The following CNOT1 variants were observed in gnomAD, a reference collection of about 807,000 sequenced individuals.
CNOT1 encodes the protein CCR4-NOT transcription complex subunit 1, also known as CCR4-associated factor 1.
Under a neutral mutation model 273.8 loss-of-function variants are expected in CNOT1, and 15 were observed. That is an observed-to-expected ratio of 0.05 (90% CI 0.04 to 0.08). The LOEUF is 0.08. CNOT1 is among the 10% of genes least tolerant of loss of function. The pLI is 1.00. For synonymous variants in CNOT1, 1,022 were observed against 1,005.5 expected, an observed-to-expected ratio of 1.02 and a Z score of -0.31; for missense variants, 1,644 against 2,912.2, an observed-to-expected ratio of 0.56 and a Z score of 10.02.
intron 1 of CNOT1, among the ~76,000 whole-genome samples, chr16:58,617,186 T>C (rs1451002466): frequency 6.6e-6 from 1 of 151,824 alleles, no homozygotes; most frequent in Non-Finnish European, 1.5e-5. Flanking sequence ...AGTGAGACCA[T>C]CTCAACAAAT....
At chr16:58,578,230 G>T (rs1001289591) in intron 13 of CNOT1, among the ~76,000 whole-genome samples, 3 of 152,068 alleles carry the variant, frequency 2.0e-5, no homozygotes, top group African/African-American at 7.2e-5. Flanking sequence ...GAGGTGGGTG[G>T]ATCATTTGAG....
chr16:58,549,609 TA>T, intron 25 of CNOT1, 109 bp downstream of exon 25: 1 of 1,424,404 alleles, frequency 7.0e-7, no homozygotes, highest in South Asian at 1.5e-5. Context: ...TTTCCAGAGG[TA>T]CCTAATATTG....
chr16:58,540,154 C>A (rs2040045392), intron 34 of CNOT1, 195 bp from the exon 35 acceptor site: 2 of 502,454 alleles, frequency 4.0e-6, no homozygotes, highest in South Asian at 3.8e-5. Context: ...CAGTACAAGG[C>A]AGGCATAAGG....
intron 1 of CNOT1, among the ~76,000 whole-genome samples, chr16:58,611,559 G>A (rs1487790806): frequency 1.3e-5 from 2 of 152,266 alleles, no homozygotes; most frequent in Middle Eastern, 3.4e-3. Flanking sequence ...AGTGGCTCAC[G>A]CCTGTAATCC....
At chr16:58,628,915 C>G (rs768023803) in intron 1 of CNOT1, among the ~76,000 whole-genome samples, 3 of 152,184 alleles carry the variant, frequency 2.0e-5, no homozygotes, top group Non-Finnish European at 4.4e-5. Flanking sequence ...TGTGTTTGGC[C>G]TTAAGTACCT....
chr16:58,542,215 G>A lies in CNOT1; in HGVS notation c.4680+16C>T. The A allele has an allele frequency of 6.2e-7, 1 of 1,612,164 alleles. No homozygotes were observed. The highest frequency in any genetic ancestry group is 8.5e-7 in the Non-Finnish European group (1 of 1,179,508). Reference sequence around the variant, plus strand: ...AACAAAGATGGGACGGGGAAAGACAGAGCCCCAATTCTCACTTTCAGCCTG... The same window carrying A: ...AACAAAGATGGGACGGGGAAAGACAAAGCCCCAATTCTCACTTTCAGCCTG... On this transcript the variant is annotated intron_variant, in intron 33 of 48. Transcript: ENST00000317147.
rs143604282 is a variant in CNOT1 at position 58,604,228 on chromosome 16, T to C, written c.-174-4717A>G. On this transcript the variant is annotated intron_variant, in intron 1 of 48. Transcript: ENST00000317147. Reference sequence around the variant, plus strand: ...ATACAGAGTTTGGGTCACCATGTCATTATTTATAGGCCATTTTTAAATACT... The same window carrying C: ...ATACAGAGTTTGGGTCACCATGTCACTATTTATAGGCCATTTTTAAATACT... Among the ~76,000 whole-genome samples, 601 of 152,268 alleles carry C rather than the reference T, an allele frequency of 3.9e-3. 6 individuals are homozygous for C. Among genetic ancestry groups the C allele is most frequent in the East Asian group, 0.011 (59 of 5,190 alleles).
chr16:58,596,462 G>A (rs1303624974), intron 2 of CNOT1, among the ~76,000 whole-genome samples: 2 of 152,166 alleles, frequency 1.3e-5, no homozygotes, highest in African/African-American at 4.8e-5. Flanking sequence ...GTGTGGAATT[G>A]ATGTACGATG....
chr16:58,539,648 C>CAGGTGATTTATATTA, intron 35 of CNOT1, 120 bp downstream of exon 35: 1 of 1,045,652 alleles, frequency 9.6e-7, no homozygotes, highest in Non-Finnish European at 1.3e-6. Context: ...CACCTACTTA[C>CAGGTGATTTATATTA]AGAACTTGAT....
intron 1 of CNOT1, among the ~76,000 whole-genome samples, chr16:58,607,125 A>C (rs914817496): frequency 1.3e-5 from 2 of 152,182 alleles, no homozygotes; most frequent in East Asian, 1.9e-4. Context: ...GCATGATCCC[A>C]AATAAGGTCT....
intron 47 of CNOT1, among the ~76,000 whole-genome samples, chr16:58,522,497 A>G: frequency 1.1e-5 from 1 of 87,958 alleles, no homozygotes; most frequent in African/African-American, 6.4e-5. Flanking sequence ...CATATTTAGC[A>G]CCATAGGTGA....
At chr16:58,581,220 C>G (rs923702317) in intron 11 of CNOT1, 125 bp downstream of exon 11, 3 of 1,139,868 alleles carry the variant, frequency 2.6e-6, no homozygotes, top group Non-Finnish European at 3.6e-6. Flanking sequence ...ACAGTCCTTG[C>G]TTTTCTGTGC....
At chr16:58,526,198 T>C in intron 44 of CNOT1, 60 bp from the exon 45 acceptor site, 2 of 1,579,364 alleles carry the variant, frequency 1.3e-6, no homozygotes, top group Non-Finnish European at 1.7e-6. Context: ...AAATTACATC[T>C]ATGCTTAAGT....
chr16:58,607,448 G>A (rs2042718923), intron 1 of CNOT1, among the ~76,000 whole-genome samples: 1 of 151,904 alleles, frequency 6.6e-6, no homozygotes, highest in Non-Finnish European at 1.5e-5. Context: ...GGCTATCTAG[G>A]CTGGGCAAGG....
rs562394553 is a variant in CNOT1, at chr16:58,617,365, A to T, written c.-175+12363T>A. On this transcript the variant is annotated intron_variant, in intron 1 of 48. Coordinates refer to ENST00000317147, the MANE Select transcript of CNOT1 (RefSeq NM_016284.5). ...AACAGAGCAAGAGTGTCTCAAAAAA[A>T]TTTTTTTAATTAAAAAAAAAAATAA... Among the ~76,000 whole-genome samples, 17 of 152,042 alleles carry T rather than the reference A, an allele frequency of 1.1e-4. No individual in the cohort carries two copies. The South Asian group carries it at 1.2e-3, about 11-fold the overall frequency.
intron 16 of CNOT1, among the ~76,000 whole-genome samples, chr16:58,563,206 C>T (rs1446554485): frequency 6.6e-6 from 1 of 152,110 alleles, no homozygotes; most frequent in African/African-American, 2.4e-5. Flanking sequence ...CAATGGTTGT[C>T]CCACATATTA....
chr16:58,569,136 T>A (rs963772507), intron 16 of CNOT1, among the ~76,000 whole-genome samples: 1 of 152,154 alleles, frequency 6.6e-6, no homozygotes, highest in African/African-American at 2.4e-5. Context: ...TTTATTTTGG[T>A]TTTTGAGACA....
At chr16:58,567,642 G>C (rs2041104840) in intron 16 of CNOT1, among the ~76,000 whole-genome samples, 1 of 151,702 alleles carries the variant, frequency 6.6e-6, no homozygotes, top group East Asian at 1.9e-4. Flanking sequence ...AAAAGTGTCT[G>C]AATCAACTTT....
At chr16:58,585,618 C>T in intron 7 of CNOT1, 112 bp from the exon 8 acceptor site, 2 of 1,444,776 alleles carry the variant, frequency 1.4e-6, no homozygotes, top group Non-Finnish European at 1.8e-6. Context: ...ATATTCAAAG[C>T]CAAGCTTATT....
Sources: allele counts gnomAD v4.1 joint callset (sites outside exome capture counted in the v4.1 genomes callset), GRCh38; gene constraint gnomAD v4.1.1; transcripts MANE v1.5; gene names NCBI Gene and HGNC (gene_info 2026-07-23, HGNC 2026-07-21).